Variants in C4orf51 observed in about 807,000 individuals in gnomAD.
C4orf51 encodes uncharacterized protein C4orf51.
Under a neutral mutation model 25.2 loss-of-function variants are expected in C4orf51, and 25 were observed. The ratio of observed to expected loss-of-function variants is 0.99; its 90% CI spans 0.72 to 1.39. The LOEUF (loss-of-function observed/expected upper bound fraction) is 1.39. Ranked by LOEUF, C4orf51 falls within the 40% of genes most tolerant of loss-of-function variation. The probability of loss-of-function intolerance (pLI) is 0.00; values close to 1 mark genes in which losing one functional copy is unlikely to be tolerated. For synonymous variants in C4orf51, 100 were observed against 84.5 expected (o/e 1.18, Z -1.01); for missense variants, 252 against 239.6 (o/e 1.05, Z -0.34).
At chr4:145,713,177 C>T (rs948259597) in intron 2 of C4orf51, among the ~76,000 whole-genome samples, 10 of 152,332 alleles carry the variant, frequency 6.6e-5, no homozygotes, top group African/African-American at 2.2e-4. Flanking sequence ...TGCCTGCTAA[C>T]ACAACATCCA....
At position 145,761,126 on chromosome 4, in the gene C4orf51, C is replaced by A. The variant is rs1282472836; in HGVS notation, n.167-9862C>A. 1.6e-6 allele frequency: 2 copies of A among 1,289,492 alleles called. No homozygotes were observed. The highest frequency in any genetic ancestry group is 2.3e-5 in the Admixed American group (1 of 43,570). 79.9% of individuals were successfully genotyped at this position (1,289,492 alleles called of 1,614,324 possible). A position where few individuals can be genotyped will look rare whatever the true frequency, so the allele number is the denominator to read the frequency against. Reference sequence around the variant, plus strand: ...GAGCTCCCGACCACCAGGAGCGGGGCCCCCGGGCCGGCCGGTTCCTTGGGG... The same window carrying A: ...GAGCTCCCGACCACCAGGAGCGGGGACCCCGGGCCGGCCGGTTCCTTGGGG... On this transcript the variant is annotated intron_variant and non_coding_transcript_variant, in intron 1 of 1. Coordinates refer to the C4orf51 transcript ENST00000510096. The surrounding 1 kb of genome is among the most constrained non-coding windows in gnomAD (Gnocchi z 6.8).
At chr4:145,777,604 T>A in the C4orf51 span, among the ~76,000 whole-genome samples, 1 of 152,200 alleles carries the variant, frequency 6.6e-6, no homozygotes, top group African/African-American at 2.4e-5. Context: ...TTCTTTAACA[T>A]CTTCCACATT....
intron 2 of C4orf51, among the ~76,000 whole-genome samples, chr4:145,709,219 C>CA (rs954563834): frequency 2.6e-5 from 4 of 151,492 alleles, no homozygotes. Context: ...GGTTCTAACT[C>CA]AAAAAAAAGC....
intron 2 of C4orf51, among the ~76,000 whole-genome samples, chr4:145,711,826 G>T (rs934776330): frequency 6.6e-6 from 1 of 152,010 alleles, no homozygotes; most frequent in South Asian, 2.1e-4. Flanking sequence ...TTGCTCTATT[G>T]TGCTTCACAG....
rs574421527 is a variant in C4orf51, at chr4:145,690,452, C to T, written c.234-6107C>T. ...CCCGGGAGGCAGAGCTTGCAGTGAG[C>T]GAGATGGCGCCACTGCACTCCAGCC... On this transcript the variant is annotated intron_variant, in intron 1 of 5. Transcript: ENST00000438731. Among the ~76,000 whole-genome samples the T allele has an allele frequency of 7.2e-5, 11 of 152,004 alleles. No individual in the cohort carries two copies. The East Asian group carries it at 1.7e-3, about 24-fold the overall frequency.
In C4orf51 at chr4:145,726,944, A is replaced by T; in HGVS notation, c.341A>T (p.Lys114Met). The T allele has an allele frequency of 1.2e-6, 2 of 1,613,736 alleles. No individual in the cohort carries two copies. The highest frequency in any genetic ancestry group is 1.7e-6 in the Non-Finnish European group (2 of 1,179,678). The change falls in exon 3 of 6, where the codon AAG (lysine) becomes ATG (methionine). Residue 114 changes from lysine (K) to methionine (M), a missense_variant. By Grantham distance (95) the Lys-to-Met change is moderately conservative. Transcript: ENST00000438731. Reference sequence around the variant, plus strand: ...CCTGATATAACCAGGCCCTTTAAAAAGTCATTTGATGTCAAGCATGGAGTG... The same window carrying T: ...CCTGATATAACCAGGCCCTTTAAAATGTCATTTGATGTCAAGCATGGAGTG... Reference protein sequence around the residue: ...LFPDITRPFKKSFDVKHGVAH... With the variant: ...LFPDITRPFKMSFDVKHGVAH...
chr4:145,730,570 G>A (rs1214623217), intron 5 of C4orf51, among the ~76,000 whole-genome samples: 1 of 152,016 alleles, frequency 6.6e-6, no homozygotes, highest in Non-Finnish European at 1.5e-5. Context: ...ACTGGTTTTT[G>A]CATAGAAGTT....
chr4:145,739,812 G>C (rs11100899), intron 1 of C4orf51, among the ~76,000 whole-genome samples: 72,726 of 151,984 alleles, frequency 0.48, 19,254 homozygotes, highest in Non-Finnish European at 0.6. Flanking sequence ...GGTAGAGATA[G>C]AGTCGCTGAG....
downstream of C4orf51, among the ~76,000 whole-genome samples, chr4:145,736,570 G>A (rs1305515334): frequency 3.3e-5 from 5 of 152,092 alleles, no homozygotes; most frequent in East Asian, 1.9e-4. Context: ...CCTGGCTTTC[G>A]AGTGCACATG....
downstream of C4orf51, chr4:145,757,602 A>C (rs1734045667): frequency 6.6e-6 from 1 of 152,126 alleles, no homozygotes; most frequent in Admixed American, 6.5e-5. Context: ...AGGATGGCAA[A>C]CCAAAAAAGA....
In C4orf51 at chr4:145,765,171, A is replaced by G. The variant is rs1579078745; in HGVS notation, n.167-5817A>G. The G allele has an allele frequency of 6.3e-7, 1 of 1,598,502 alleles. No homozygotes were observed. Among genetic ancestry groups the G allele is most frequent in the East Asian group, 2.2e-5 (1 of 44,850 alleles). ...GCAAAAAACACATTCGAACCCTGCA[A>G]GGACCGAAGCTGGGTATAGAGGTGC... On this transcript the variant is annotated intron_variant and non_coding_transcript_variant, in intron 1 of 1. Coordinates refer to the C4orf51 transcript ENST00000510096. This position sits in a 1 kb window ranked among gnomAD's most constrained non-coding sequence, Gnocchi z 4.7.
At chr4:145,743,246 C>A (rs190698914) in intron 1 of C4orf51, among the ~76,000 whole-genome samples, 1 of 152,160 alleles carries the variant, frequency 6.6e-6, no homozygotes, top group East Asian at 1.9e-4. Context: ...AACAAAATAC[C>A]CGAGACTATA....
downstream of C4orf51, among the ~76,000 whole-genome samples, chr4:145,757,445 A>C (rs1375706238): frequency 6.6e-6 from 1 of 152,214 alleles, no homozygotes; most frequent in Non-Finnish European, 1.5e-5. Context: ...ACATAATAAC[A>C]GTTTGCATTA....
chr4:145,735,078 A>G (rs1732730531), downstream of C4orf51, among the ~76,000 whole-genome samples: 1 of 152,170 alleles, frequency 6.6e-6, no homozygotes, highest in Non-Finnish European at 1.5e-5. Flanking sequence ...AATAACATGG[A>G]AGTTGCAACG....
chr4:145,694,067 G>T (rs1366653921), intron 1 of C4orf51, among the ~76,000 whole-genome samples: 18 of 140,900 alleles, frequency 1.3e-4, no homozygotes, highest in African/African-American at 4.5e-4. Context: ...TCCCAGACGG[G>T]GTCTCGGCCG....
At chr4:145,734,137 G>T (rs1237131863), downstream of C4orf51, among the ~76,000 whole-genome samples, 1 of 152,176 alleles carries the variant, frequency 6.6e-6, no homozygotes, top group Non-Finnish European at 1.5e-5. Context: ...GTATGGTGGG[G>T]TCTACACCTT....
chr4:145,712,452 G>A (rs1731183513), intron 2 of C4orf51, among the ~76,000 whole-genome samples: 1 of 152,222 alleles, frequency 6.6e-6, no homozygotes, highest in African/African-American at 2.4e-5. Context: ...CTAATATGGA[G>A]AAAGTTTTAG....
At chr4:145,724,197 G>A (rs937418247) in intron 2 of C4orf51, among the ~76,000 whole-genome samples, 3 of 152,126 alleles carry the variant, frequency 2.0e-5, no homozygotes, top group African/African-American at 7.2e-5. Flanking sequence ...AGCTAGTTAA[G>A]CCTCTGGGAG....
intron 2 of C4orf51, among the ~76,000 whole-genome samples, chr4:145,702,791 C>A (rs1730540029): frequency 6.6e-6 from 1 of 152,134 alleles, no homozygotes; most frequent in African/African-American, 2.4e-5. Context: ...CTCAATTCAT[C>A]CAAAGCCGTA....
Sources: allele counts gnomAD v4.1 joint callset (sites outside exome capture counted in the v4.1 genomes callset), GRCh38; gene constraint gnomAD v4.1.1; non-coding constraint Gnocchi (gnomAD v3.1); transcripts MANE v1.5; gene names NCBI Gene and HGNC (gene_info 2026-07-23, HGNC 2026-07-21).